INPP4B: variants seen among roughly 807,000 people sequenced by gnomAD.
The protein encoded by INPP4B is inositol polyphosphate 4-phosphatase type II.
A neutral mutation model predicts 122.5 loss-of-function variants in INPP4B; 55 were observed. The ratio of observed to expected loss-of-function variants is 0.45; its 90% confidence interval spans 0.36 to 0.56. INPP4B has a LOEUF of 0.56. Ranked by LOEUF, INPP4B falls within the 20% of genes least tolerant of loss-of-function variation. The pLI is 0.00. For synonymous variants in INPP4B, 403 were observed against 388.7 expected (o/e 1.04, Z -0.43); for missense variants, 1,000 against 1,097.7 (o/e 0.91, Z 1.26).
At chr4:142,181,666 TA>T (rs1315965055) in intron 15 of INPP4B, among the ~76,000 whole-genome samples, 2 of 152,248 alleles carry the variant, frequency 1.3e-5, no homozygotes, top group East Asian at 3.8e-4. Context: ...ATGCTTATAA[TA>T]TTTTACTATT....
chr4:142,586,360 A>C (rs1021983680), intron 2 of INPP4B, among the ~76,000 whole-genome samples: 1 of 152,106 alleles, frequency 6.6e-6, no homozygotes, highest in Admixed American at 6.6e-5. Flanking sequence ...CAACAACAAC[A>C]AAATAGAATC....
At chr4:142,187,500 A>C (rs889929537) in intron 15 of INPP4B, among the ~76,000 whole-genome samples, 4 of 151,864 alleles carry the variant, frequency 2.6e-5, no homozygotes, top group East Asian at 1.9e-4. Flanking sequence ...TATTATGTGT[A>C]TGTGTGTGTG....
chr4:142,841,229 A>G (rs7685997), intron 1 of INPP4B, among the ~76,000 whole-genome samples: 44,289 of 151,770 alleles, frequency 0.29, 6,620 homozygotes, highest in South Asian at 0.35. Flanking sequence ...CTTGGAGATA[A>G]CCATAATCTC....
chr4:142,327,455 A>T (rs1772817904), intron 7 of INPP4B, among the ~76,000 whole-genome samples: 1 of 152,010 alleles, frequency 6.6e-6, no homozygotes, highest in African/African-American at 2.4e-5. Context: ...AAAAAAAAAA[A>T]GTATATGGGC....
chr4:142,843,481 C>T, intron 1 of INPP4B, among the ~76,000 whole-genome samples: 1 of 151,884 alleles, frequency 6.6e-6, no homozygotes, highest in Non-Finnish European at 1.5e-5. Flanking sequence ...ACTCACACAG[C>T]TTTCACCTGA....
In INPP4B at chr4:142,591,524, G is replaced by C. The variant is rs148927009; in HGVS notation, c.-190-128798C>G. Among the ~76,000 whole-genome samples, 1,381 of 152,192 alleles carry C rather than the reference G, an allele frequency of 9.1e-3. 13 individuals carry two copies. The highest frequency in any genetic ancestry group is 0.027 in the Middle Eastern group (8 of 294). The stretch of plus-strand genomic sequence containing the variant: ...TCAGTACACAAGAATTCCAAATAAT[G>C]TTTGTAGAAACTCAGCCCTCAAGGA... On this transcript the variant is annotated intron_variant, in intron 2 of 25. Transcript: ENST00000262992.
intron 11 of INPP4B, among the ~76,000 whole-genome samples, chr4:142,241,396 G>T (rs1228797104): frequency 6.6e-6 from 1 of 152,038 alleles, no homozygotes; most frequent in Non-Finnish European, 1.5e-5. Context: ...TCCCCTTGAG[G>T]TCCACCCCTT....
chr4:142,334,921 T>C (rs1361420956), intron 7 of INPP4B, among the ~76,000 whole-genome samples: 1 of 151,998 alleles, frequency 6.6e-6, no homozygotes, highest in African/African-American at 2.4e-5. Context: ...ATAGGTTGCC[T>C]TTTCATGTGT....
At chr4:142,652,205 T>C (rs978159741) in intron 2 of INPP4B, among the ~76,000 whole-genome samples, 2 of 152,204 alleles carry the variant, frequency 1.3e-5, no homozygotes, top group African/African-American at 4.8e-5. Context: ...AAACTAGGTA[T>C]TGATGGAATG....
chr4:142,028,983 G>T (rs1206457830), intron 25 of INPP4B, 69 bp from the exon 26 acceptor site: 2 of 1,518,178 alleles, frequency 1.3e-6, no homozygotes, highest in South Asian at 2.6e-5. Flanking sequence ...TTTGTTTAAT[G>T]CAGAGTTGCA....
At chr4:142,233,622 T>C (rs1462140239) in intron 12 of INPP4B, among the ~76,000 whole-genome samples, 3 of 152,102 alleles carry the variant, frequency 2.0e-5, no homozygotes, top group Admixed American at 1.3e-4. Flanking sequence ...TTGGTACAAA[T>C]AAAACACTTT....
rs369459825 is a variant in INPP4B, at chr4:142,232,245, T to C, written c.836+5619A>G. Among the ~76,000 whole-genome samples, 29 of 152,330 alleles carry C rather than the reference T, an allele frequency of 1.9e-4. No homozygotes were observed. The East Asian group carries it at 4.6e-3, about 24-fold the overall frequency. ...TTTACTGTGCTTGGCTTTATTGCTC[T>C]TCACAGATACTGTGTTTTTTTGTTT... On this transcript the variant is annotated intron_variant, in intron 12 of 25. Transcript: ENST00000262992.
At chr4:142,319,344 G>A (rs895942588) in intron 7 of INPP4B, among the ~76,000 whole-genome samples, 3 of 152,134 alleles carry the variant, frequency 2.0e-5, no homozygotes, top group African/African-American at 7.2e-5. Context: ...GATAATGAAT[G>A]TGTCTCATTT....
At chr4:142,618,760 CAGAGT>C (rs934127911) in intron 2 of INPP4B, among the ~76,000 whole-genome samples, 3 of 151,876 alleles carry the variant, frequency 2.0e-5, no homozygotes, top group African/African-American at 7.2e-5. Context: ...AAAGCTTCTG[CAGAGT>C]AAACAATCAA....
chr4:142,486,398 A>G (rs993531566), intron 2 of INPP4B, among the ~76,000 whole-genome samples: 14 of 152,146 alleles, frequency 9.2e-5, no homozygotes, highest in African/African-American at 3.1e-4. Context: ...CATCATGCTT[A>G]TCACCCATTT....
At chr4:142,659,018 T>C (rs1330934218) in intron 2 of INPP4B, among the ~76,000 whole-genome samples, 1 of 152,182 alleles carries the variant, frequency 6.6e-6, no homozygotes, top group Non-Finnish European at 1.5e-5. Flanking sequence ...TAATCATTCT[T>C]GCTGCACTTT....
intron 9 of INPP4B, among the ~76,000 whole-genome samples, chr4:142,296,067 C>T (rs769395754): frequency 1.1e-4 from 13 of 113,694 alleles, no homozygotes; most frequent in East Asian, 9.1e-4. Flanking sequence ...ATTAACTTTA[C>T]GTGATTTGCA....
At chr4:142,218,792 C>T (rs973482341) in intron 12 of INPP4B, among the ~76,000 whole-genome samples, 1 of 152,056 alleles carries the variant, frequency 6.6e-6, no homozygotes, top group African/African-American at 2.4e-5. Context: ...GACCTTAAAT[C>T]AAACTTAAAA....
intron 2 of INPP4B, among the ~76,000 whole-genome samples, chr4:142,536,539 C>T (rs1277782419): frequency 6.6e-6 from 1 of 152,136 alleles, no homozygotes; most frequent in Non-Finnish European, 1.5e-5. Context: ...TTGTTATTTT[C>T]TCAAAGAAAA....
Sources: allele counts gnomAD v4.1 joint callset (sites outside exome capture counted in the v4.1 genomes callset), GRCh38; gene constraint gnomAD v4.1.1; transcripts MANE v1.5; gene names NCBI Gene and HGNC (gene_info 2026-07-23, HGNC 2026-07-21).